Variants in GRM7 observed in about 807,000 individuals in gnomAD.
GRM7 encodes metabotropic glutamate receptor 7.
Under a neutral mutation model 84.5 loss-of-function variants are expected in GRM7, and 35 were observed. The observed-to-expected ratio is 0.41, with a 90% CI of 0.32 to 0.55. GRM7 has a LOEUF of 0.55. Ranked by LOEUF, GRM7 falls within the 20% of genes least tolerant of loss-of-function variation. The pLI, the probability that GRM7 is intolerant of heterozygous loss-of-function variation, is 0.19. For synonymous variants in GRM7, 487 were observed against 455.1 expected, an observed-to-expected ratio of 1.07 and a Z score of -0.89; for missense variants, 1,003 against 1,194.6, an observed-to-expected ratio of 0.84 and a Z score of 2.36.
rs1694830473 is a variant in GRM7, at chr3:6,863,327, C to T, written c.519+1420C>T. 6.6e-6 allele frequency among the ~76,000 whole-genome samples: 1 copy of T among 152,110 alleles called. No homozygotes were observed. Among genetic ancestry groups the T allele is most frequent in the Non-Finnish European group, 1.5e-5 (1 of 68,018 alleles). ...ACGCTGATCCTGGCACCTTTATGCT[C>T]CTCATATCTAGAGAACCGGCCCCTC... On this transcript the variant is annotated intron_variant, in intron 1 of 9. Coordinates refer to ENST00000357716, the MANE Select transcript of GRM7 (RefSeq NM_000844.4). This position sits in a 1 kb window ranked among gnomAD's most constrained non-coding sequence, Gnocchi z 4.8.
In GRM7 at chr3:7,174,341, A is replaced by G. The variant is rs573632711; in HGVS notation, c.736+27673A>G. ...TGTAAAGAAAAAGAAACCACTAAAAACATATTAAAGATAAGAGTGACATCA... is the reference window on the plus strand; with the variant it reads ...TGTAAAGAAAAAGAAACCACTAAAAGCATATTAAAGATAAGAGTGACATCA... On this transcript the variant is annotated intron_variant, in intron 2 of 9. Coordinates refer to ENST00000357716, the MANE Select transcript of GRM7 (RefSeq NM_000844.4). 2.6e-5 allele frequency among the ~76,000 whole-genome samples: 4 copies of G among 152,372 alleles called. 1 individual carries two copies. In the South Asian group the frequency reaches 6.2e-4, roughly 24 times the overall value.
intron 1 of GRM7, among the ~76,000 whole-genome samples, chr3:7,110,928 T>C (rs1692827449): frequency 6.6e-6 from 1 of 152,064 alleles, no homozygotes; most frequent in African/African-American, 2.4e-5. Context: ...CAGAAGATGA[T>C]GTCTGAGATA....
chr3:7,040,112 A>C (rs775639300), intron 1 of GRM7, among the ~76,000 whole-genome samples: 13 of 152,138 alleles, frequency 8.5e-5, no homozygotes, highest in African/African-American at 1.2e-4. Flanking sequence ...CCATTCCAAG[A>C]CTGCCAGTTT....
chr3:7,273,757 G>T (rs953506536), intron 2 of GRM7, among the ~76,000 whole-genome samples: 1 of 151,960 alleles, frequency 6.6e-6, no homozygotes. Context: ...GGTTTTGTGT[G>T]TTTGTGTGTG....
intron 8 of GRM7, among the ~76,000 whole-genome samples, chr3:7,669,224 C>A (rs1393277455): frequency 1.3e-5 from 2 of 152,174 alleles, no homozygotes; most frequent in African/African-American, 4.8e-5. Context: ...GAAAATAATA[C>A]ATCCTATAAG....
chr3:6,942,204 TA>T (rs1456299278), intron 1 of GRM7, among the ~76,000 whole-genome samples: 6 of 152,088 alleles, frequency 3.9e-5, no homozygotes, highest in Non-Finnish European at 8.8e-5. Flanking sequence ...TTTGTTTTTG[TA>T]AAGTGGCAAT....
At position 7,082,406 on chromosome 3, in the gene GRM7, TA is replaced by T. The variant is rs201131304; in HGVS notation, c.520-64037del. Among the ~76,000 whole-genome samples, 8 of 151,170 alleles carry T rather than the reference TA, an allele frequency of 5.3e-5. No individual in the cohort carries two copies. The East Asian group carries it at 9.7e-4, about 18-fold the overall frequency. On this transcript the variant is annotated intron_variant, in intron 1 of 9. Coordinates refer to ENST00000357716, the MANE Select transcript of GRM7 (RefSeq NM_000844.4). Reference sequence around the variant, plus strand: ...TCCACTATTGAGAGCTACTACTCGGTAAAAAAAAAGATTACTTTCAAGACAT... The same window carrying T: ...TCCACTATTGAGAGCTACTACTCGGTAAAAAAAAGATTACTTTCAAGACAT...
At chr3:7,409,767 A>AT (rs1280033001) in intron 4 of GRM7, among the ~76,000 whole-genome samples, 10 of 151,778 alleles carry the variant, frequency 6.6e-5, no homozygotes, top group Admixed American at 3.9e-4. Context: ...CGCCCGGCGA[A>AT]TTTTTTGTAT....
At chr3:6,972,720 T>C (rs535732551) in intron 1 of GRM7, among the ~76,000 whole-genome samples, 2 of 152,300 alleles carry the variant, frequency 1.3e-5, no homozygotes, top group East Asian at 3.9e-4. Context: ...GACGGTCCCT[T>C]AGAATCGTCT....
At chr3:7,518,452 T>A (rs1305555375) in intron 7 of GRM7, among the ~76,000 whole-genome samples, 4 of 152,200 alleles carry the variant, frequency 2.6e-5, no homozygotes, top group African/African-American at 9.7e-5. Context: ...TATAAGAAGG[T>A]TTCAGTTACT....
chr3:7,434,731 G>T (rs1045362192), intron 5 of GRM7, among the ~76,000 whole-genome samples: 6 of 151,962 alleles, frequency 3.9e-5, no homozygotes, highest in Non-Finnish European at 8.8e-5. Context: ...TTTTAATCAT[G>T]AGTATTGGTT....
intron 7 of GRM7, among the ~76,000 whole-genome samples, chr3:7,472,163 C>A (rs1219979182): frequency 6.6e-6 from 1 of 152,212 alleles, no homozygotes; most frequent in African/African-American, 2.4e-5. Flanking sequence ...TTCTCATCAC[C>A]TTCTGCCATG....
chr3:7,398,203 T>C (rs192424197), intron 4 of GRM7, among the ~76,000 whole-genome samples: 1 of 152,178 alleles, frequency 6.6e-6, no homozygotes, highest in Non-Finnish European at 1.5e-5. Flanking sequence ...TTAGGAAATA[T>C]GGCTCAGAAT....
intron 4 of GRM7, among the ~76,000 whole-genome samples, chr3:7,350,451 C>T (rs1270984716): frequency 6.6e-6 from 1 of 152,014 alleles, no homozygotes; most frequent in Non-Finnish European, 1.5e-5. Context: ...CCTGGTCTGG[C>T]CATGTAAAAC....
At chr3:7,385,101 G>A (rs1205245641) in intron 4 of GRM7, among the ~76,000 whole-genome samples, 1 of 151,916 alleles carries the variant, frequency 6.6e-6, no homozygotes, top group Non-Finnish European at 1.5e-5. Context: ...TTTAAAATGT[G>A]CGAACAATAA....
intron 2 of GRM7, among the ~76,000 whole-genome samples, chr3:7,207,955 G>T (rs1212510279): frequency 6.6e-6 from 1 of 152,130 alleles, no homozygotes; most frequent in African/African-American, 2.4e-5. Context: ...AATGTCGGAG[G>T]CACAAAGGAG....
At position 7,064,479 on chromosome 3, in the gene GRM7, T is replaced by TATATATATACACACAC; in HGVS notation, c.520-81972_520-81971insTATATATACACACACA. ...ATATATATACATATATATATATATA[T>TATATATATACACACAC]ACACACATATACATATATATATACA... On this transcript the variant is annotated intron_variant, in intron 1 of 9. Transcript: ENST00000357716. Among the ~76,000 whole-genome samples, 31 of 99,384 alleles carry TATATATATACACACAC rather than the reference T, an allele frequency of 3.1e-4. 2 individuals are homozygous for TATATATATACACACAC. In the South Asian group the frequency reaches 8.2e-3, roughly 26 times the overall value. The allele number at this position is 99,384 out of a possible 152,430, so 65.2% of individuals were successfully genotyped here.
intron 1 of GRM7, among the ~76,000 whole-genome samples, chr3:7,000,942 G>A (rs945052499): frequency 2.0e-5 from 3 of 152,068 alleles, no homozygotes; most frequent in African/African-American, 7.2e-5. Flanking sequence ...TCAATGAACA[G>A]AAAAAACAGG....
At chr3:7,705,387 A>C (rs1022573548) in intron 9 of GRM7, among the ~76,000 whole-genome samples, 1 of 152,222 alleles carries the variant, frequency 6.6e-6, no homozygotes, top group African/African-American at 2.4e-5. Context: ...GCCTACCTGC[A>C]TCAAAATGGC....
Sources: gnomAD v4.1 joint callset for allele counts (sites outside exome capture counted in the v4.1 genomes callset) on GRCh38, gnomAD v4.1.1 for gene constraint, Gnocchi (gnomAD v3.1) non-coding constraint, MANE v1.5 for transcripts, NCBI Gene and HGNC (gene_info 2026-07-23, HGNC 2026-07-21) for gene names.